ITSN2: variants seen among roughly 807,000 people sequenced by gnomAD.
ITSN2 encodes the protein intersectin-2.
In ITSN2, 156 loss-of-function variants were observed where a neutral mutation model predicts 243.7. That is an observed-to-expected ratio of 0.64 (90% CI 0.56 to 0.73). The LOEUF is 0.73. ITSN2 is among the 30% of genes least tolerant of loss of function. The probability of loss-of-function intolerance (pLI) is 0.00; values close to 1 mark genes in which losing one functional copy is unlikely to be tolerated. For missense variants in ITSN2, 1,801 were observed against 1,996.1 expected (o/e 0.90, Z 1.86); for synonymous variants, 703 against 699.9 (o/e 1.00, Z -0.07).
At chr2:24,252,314 C>G (rs1427282190) in intron 25 of ITSN2, 31 bp downstream of exon 25, 1 of 1,499,982 alleles carries the variant, frequency 6.7e-7, no homozygotes, top group Non-Finnish European at 9.2e-7. Flanking sequence ...ACCTGATTAA[C>G]CAGAATGGGT....
Position 24,275,788 on chromosome 2 carries a change from C to T in ITSN2, c.2006G>A (p.Arg669His), listed in dbSNP as rs754639750. ...CCTTTCAATTTCCTTCAACTTGTCA[C>T]GTTTGATCTTATAAAGCTGTTCAAG... Reference protein sequence around the residue: ...LALEQLYKIKRDKLKEIERKR... With the variant: ...LALEQLYKIKHDKLKEIERKR... Residue 669 changes from arginine to histidine, a missense_variant, in exon 18 of 40, where the codon CGT becomes CAT. Physicochemically the swap from Arg to His is conservative, Grantham distance 29. Coordinates refer to ENST00000355123, the MANE Select transcript of ITSN2 (RefSeq NM_006277.3). 8.1e-6 allele frequency: 13 copies of T among 1,612,150 alleles called. No individual in the cohort carries two copies. Among genetic ancestry groups the T allele is most frequent in the Admixed American group, 5.0e-5 (3 of 59,960 alleles).
chr2:24,249,112 G>C lies in ITSN2; in HGVS notation c.3121-230C>G, dbSNP rs774217665. 6.6e-6 allele frequency among the ~76,000 whole-genome samples: 1 copy of C among 152,142 alleles called. No individual in the cohort carries two copies. Among genetic ancestry groups the C allele is most frequent in the Non-Finnish European group, 1.5e-5 (1 of 68,020 alleles). On this transcript the variant is annotated intron_variant, in intron 25 of 39. Coordinates refer to ENST00000355123, the MANE Select transcript of ITSN2 (RefSeq NM_006277.3). The surrounding 1 kb of genome is among the most constrained non-coding windows in gnomAD (Gnocchi z 4.4). The stretch of plus-strand genomic sequence containing the variant: ...ACATTATATACGAGTGGCTGTCATC[G>C]TCAACCATTGACTCAACAGGAAGAG...
chr2:24,332,476 G>A (rs538853414), intron 1 of ITSN2, among the ~76,000 whole-genome samples: 1 of 152,184 alleles, frequency 6.6e-6, no homozygotes, highest in East Asian at 1.9e-4. Context: ...AAATCCCTTG[G>A]GTAAAGCTGA....
At chr2:24,325,942 T>TAC (rs912299431) in intron 2 of ITSN2, among the ~76,000 whole-genome samples, 1 of 151,324 alleles carries the variant, frequency 6.6e-6, no homozygotes, top group East Asian at 1.9e-4. Context: ...CACACACACA[T>TAC]ACACACACAC....
At chr2:24,325,195 G>A (rs1685028036) in intron 2 of ITSN2, among the ~76,000 whole-genome samples, 1 of 152,026 alleles carries the variant, frequency 6.6e-6, no homozygotes, top group Non-Finnish European at 1.5e-5. Flanking sequence ...GACTTCTTGA[G>A]CCCAAGAGTT....
Position 24,358,660 on chromosome 2 carries a change from T to C in ITSN2, c.-34+1644A>G, listed in dbSNP as rs143903699. On this transcript the variant is annotated intron_variant, in intron 1 of 39. Coordinates refer to ENST00000355123, the MANE Select transcript of ITSN2 (RefSeq NM_006277.3). ...AACTACATAAGGTTAAAGGATTTTTTAAAATAAGAAAGAAAAAAAGAAAAG... is the reference window on the plus strand; with the variant it reads ...AACTACATAAGGTTAAAGGATTTTTCAAAATAAGAAAGAAAAAAAGAAAAG... Among the ~76,000 whole-genome samples the C allele has an allele frequency of 6.0e-3, 908 of 152,312 alleles. 10 individuals are homozygous for C. Among genetic ancestry groups the C allele is most frequent in the African/African-American group, 0.021 (855 of 41,572 alleles).
At chr2:24,344,766 A>G (rs1240472277) in intron 1 of ITSN2, among the ~76,000 whole-genome samples, 1 of 152,180 alleles carries the variant, frequency 6.6e-6, no homozygotes. Flanking sequence ...AGCCTGTCCA[A>G]CATGGTAAAA....
rs1683346291 is a variant in ITSN2 at position 24,312,301 on chromosome 2, A to C, written c.263T>G (p.Leu88Arg). 6.2e-7 allele frequency: 1 copy of C among 1,613,660 alleles called. No individual in the cohort carries two copies. The highest frequency in any genetic ancestry group is 2.2e-5 in the East Asian group (1 of 44,868). ...AGGCAACTGTTGGCCTTGAAGCTTC[A>C]GTTTGATGAGTTTCATAGCTATGGA... is the stretch of plus-strand genomic sequence containing the variant. ...EFSIAMKLIKLKLQGQQLPVV... is the reference protein window; with the variant it reads ...EFSIAMKLIKRKLQGQQLPVV... Residue 88 changes from leucine to arginine, a missense_variant, in exon 5 of 40, where the codon CTG becomes CGG. Leu to Arg is a moderately radical substitution (Grantham distance 102). Transcript: ENST00000355123.
intron 2 of ITSN2, among the ~76,000 whole-genome samples, chr2:24,325,448 C>A (rs190468659): frequency 6.6e-6 from 1 of 152,012 alleles, no homozygotes; most frequent in Non-Finnish European, 1.5e-5. Flanking sequence ...CTGGGCAATA[C>A]GTGTAATTCA....
chr2:24,261,758 G>A lies in ITSN2; in HGVS notation c.2356-16C>T, dbSNP rs772935738. 3.1e-6 allele frequency: 5 copies of A among 1,595,356 alleles called. No individual in the cohort carries two copies. The South Asian group carries it at 5.6e-5, about 18-fold the overall frequency. ...TTTCATCAACCTACGGAAATAAAAA[G>A]AAGGATTAACAGTGCTTAGAAATTC... On this transcript the variant is annotated splice_polypyrimidine_tract_variant and intron_variant, in intron 20 of 39. Coordinates refer to ENST00000355123, the MANE Select transcript of ITSN2 (RefSeq NM_006277.3).
chr2:24,321,687 T>C (rs1355407592), intron 2 of ITSN2: 1 of 152,128 alleles, frequency 6.6e-6, no homozygotes, highest in Non-Finnish European at 1.5e-5. Context: ...TTCCTGTCAC[T>C]AGGAAGGCAA....
intron 25 of ITSN2, 86 bp from the exon 26 acceptor site, chr2:24,248,968 A>T: frequency 3.2e-6 from 4 of 1,261,644 alleles, no homozygotes; most frequent in Non-Finnish European, 4.6e-6. Flanking sequence ...TAGAGATTTC[A>T]AATTCCCAGG....
chr2:24,271,899 A>C lies in ITSN2; in HGVS notation c.2124T>G (p.Leu708=), dbSNP rs944703876. The C allele has an allele frequency of 1.3e-6, 2 of 1,565,784 alleles. No individual in the cohort carries two copies. Among genetic ancestry groups the C allele is most frequent in the Non-Finnish European group, 1.7e-6 (2 of 1,154,314 alleles). Residue 708 remains leucine (L), a synonymous_variant, in exon 19 of 40, where the codon CTT becomes CTG. Coordinates refer to ENST00000355123, the MANE Select transcript of ITSN2 (RefSeq NM_006277.3). Reference sequence around the variant, plus strand: ...TTTGTTTTTCTTCTTCCTCCTTTCTAAGATTTTCTTTCCATAAGTTTTCTT... The same window carrying C: ...TTTGTTTTTCTTCTTCCTCCTTTCTCAGATTTTCTTTCCATAAGTTTTCTT... ...QGKENLWKEN[L]RKEEEEKQKR...
rs1670371030 is a variant in ITSN2 at position 24,220,801 on chromosome 2, G to A, written c.3699+144C>T. 4.9e-6 allele frequency: 7 copies of A among 1,435,224 alleles called. No individual in the cohort carries two copies. The Admixed American group carries it at 1.7e-4, about 36-fold the overall frequency. 88.9% of individuals were successfully genotyped at this position (1,435,224 alleles called of 1,614,324 possible). A position where few individuals can be genotyped will look rare whatever the true frequency, so the allele number is the denominator to read the frequency against. ...GAGACAGCATTTGGAGGATGTGAGA[G>A]CTTCCGTCACTATTTGTGAATTCAC... On this transcript the variant is annotated intron_variant, in intron 30 of 39. Coordinates refer to ENST00000355123, the MANE Select transcript of ITSN2 (RefSeq NM_006277.3).
rs575819285 is a variant in ITSN2, at chr2:24,215,989, G to A, written c.3990+60C>T. 4 of 1,328,128 alleles carry A rather than the reference G, an allele frequency of 3.0e-6. No homozygotes were observed. In the East Asian group the frequency reaches 1.0e-4, roughly 34 times the overall value. 82.3% of individuals were successfully genotyped at this position (1,328,128 alleles called of 1,614,324 possible). A position where few individuals can be genotyped will look rare whatever the true frequency, so the allele number is the denominator to read the frequency against. On this transcript the variant is annotated intron_variant, in intron 32 of 39. Transcript: ENST00000355123. ...TGCTGGGATTCCCTGTTGGGCTACTGTGTGCTGTTGCCTCCAGCCTCAGAA... is the reference window on the plus strand; with the variant it reads ...TGCTGGGATTCCCTGTTGGGCTACTATGTGCTGTTGCCTCCAGCCTCAGAA...
At chr2:24,335,900 G>A (rs1389841042) in intron 1 of ITSN2, among the ~76,000 whole-genome samples, 2 of 151,970 alleles carry the variant, frequency 1.3e-5, no homozygotes, top group African/African-American at 4.8e-5. Flanking sequence ...CCAAAGTGCT[G>A]GGATTACAGG....
Position 24,310,315 on chromosome 2 carries a change from C to T in ITSN2, c.622G>A (p.Ala208Thr), listed in dbSNP as rs758241870. The change falls in exon 7 of 40, where the codon GCG becomes ACG. Residue 208 changes from alanine (A) to threonine (T), a missense_variant. Around this residue, in one of 5 missense-constraint regions of ITSN2, gnomAD observed 787 missense variants for 803.9 expected, o/e 0.98. Coordinates refer to ENST00000355123, the MANE Select transcript of ITSN2 (RefSeq NM_006277.3). ...GATCCTAAATCAATCAGAGACTGCG[C>T]TTTCTGTATACTAGCACCTCCAAAT... The part of the protein sequence containing the change: ...GGFGGASIQK[A>T]QSLIDLGSSS... The T allele has an allele frequency of 1.2e-6, 2 of 1,613,674 alleles. No homozygotes were observed. Among genetic ancestry groups the T allele is most frequent in the Non-Finnish European group, 1.7e-6 (2 of 1,179,820 alleles).
At chr2:24,263,921 G>A (rs192034399) in intron 20 of ITSN2, among the ~76,000 whole-genome samples, 2 of 152,144 alleles carry the variant, frequency 1.3e-5, no homozygotes, top group Non-Finnish European at 2.9e-5. Flanking sequence ...ACCTAAGAGT[G>A]GAATGGCTGA....
rs549152416 is a variant in ITSN2, at chr2:24,309,350, G to A, written c.654-594C>T. ...TGGGACTACAGTCACATGCCACCAC[G>A]CCCGGCTAATTTTTTTGTGCGCATT... On this transcript the variant is annotated intron_variant, in intron 7 of 39. Transcript: ENST00000355123. Among the ~76,000 whole-genome samples the A allele has an allele frequency of 1.6e-3, 248 of 152,126 alleles. 1 individual carries two copies. Among genetic ancestry groups the A allele is most frequent in the African/African-American group, 5.6e-3 (233 of 41,512 alleles).
Sources: gnomAD v4.1 joint callset for allele counts (sites outside exome capture counted in the v4.1 genomes callset) on GRCh38, gnomAD v4.1.1 for gene constraint, gnomAD v4.1.1 regional missense constraint, Gnocchi (gnomAD v3.1) non-coding constraint, MANE v1.5 for transcripts, NCBI Gene and HGNC (gene_info 2026-07-23, HGNC 2026-07-21) for gene names.